Variants in ATP1A3 observed in about 807,000 individuals in gnomAD.
The protein encoded by ATP1A3 is sodium/potassium-transporting ATPase subunit alpha-3.
A neutral mutation model predicts 108.8 loss-of-function variants in ATP1A3; 12 were observed. The ratio of observed to expected loss-of-function variants is 0.11; its 90% CI spans 0.07 to 0.18. ATP1A3 has a LOEUF of 0.18. ATP1A3 is among the 10% of genes least tolerant of loss of function. The pLI is 1.00. For missense variants in ATP1A3, 498 were observed against 1,387.7 expected, an observed-to-expected ratio of 0.36 and a Z score of 10.19; for synonymous variants, 539 against 564.5, an observed-to-expected ratio of 0.95 and a Z score of 0.64.
intron 1 of ATP1A3, chr19:41,993,406 T>G: frequency 1.3e-6 from 2 of 1,535,274 alleles, no homozygotes; most frequent in Non-Finnish European, 1.7e-6. Flanking sequence ...GGCTCTCCTG[T>G]TCCTCTCCTC....
intron 8 of ATP1A3, among the ~76,000 whole-genome samples, chr19:41,983,704 G>A (rs1897144853): frequency 6.8e-6 from 1 of 147,410 alleles, no homozygotes; most frequent in African/African-American, 2.5e-5. Flanking sequence ...AACCTCCCGG[G>A]TCAGCCTCCC....
chr19:41,986,011 G>A lies in ATP1A3; in HGVS notation c.472-13C>T, dbSNP rs557984701. ...TCACCAGGGCTTGCTGAGGTGGGAT[G>A]GAGTAATGTCACCTCCCAGACTCCC... On this transcript the variant is annotated splice_polypyrimidine_tract_variant and intron_variant, in intron 5 of 22. Transcript: ENST00000648268. 9 of 1,614,148 alleles carry A rather than the reference G, an allele frequency of 5.6e-6. No homozygotes were observed. The African/African-American group carries it at 1.2e-4, about 22-fold the overall frequency.
intron 1 of ATP1A3, chr19:41,993,394 G>A (rs1555868034): frequency 1.3e-6 from 2 of 1,535,302 alleles, no homozygotes; most frequent in South Asian, 2.4e-5. Flanking sequence ...TCTCCCCACC[G>A]TGGCTCTCCT....
chr19:41,974,651 G>T (rs1555860565), intron 16 of ATP1A3, among the ~76,000 whole-genome samples: 1 of 152,212 alleles, frequency 6.6e-6, no homozygotes, highest in East Asian at 1.9e-4. Flanking sequence ...AATCCACCAA[G>T]GCATGAACCG....
At chr19:41,990,184 T>G (rs534624121) in intron 1 of ATP1A3, among the ~76,000 whole-genome samples, 1 of 152,184 alleles carries the variant, frequency 6.6e-6, no homozygotes, top group South Asian at 2.1e-4. Context: ...TCTCTTTTCC[T>G]GTTTCAACCT....
At chr19:41,987,484 C>T (rs995286029) in intron 4 of ATP1A3, among the ~76,000 whole-genome samples, 10 of 152,160 alleles carry the variant, frequency 6.6e-5, no homozygotes, top group Admixed American at 2.6e-4. Flanking sequence ...CACGCCTACC[C>T]AGGTGAGCAG....
intron 1 of ATP1A3, among the ~76,000 whole-genome samples, chr19:41,990,369 GTC>G (rs1340888545): frequency 7.2e-6 from 1 of 138,478 alleles, no homozygotes; most frequent in Non-Finnish European, 1.6e-5. Flanking sequence ...CCCTCTCTCT[GTC>G]TCTCTCAAAT....
intron 1 of ATP1A3, chr19:41,993,318 A>T (rs2075357603): frequency 7.0e-7 from 1 of 1,427,584 alleles, no homozygotes; most frequent in Non-Finnish European, 9.5e-7. Context: ...AGAGGCAAGG[A>T]CACAGCCAGG....
At chr19:41,989,316 CTT>C (rs1217199421) in intron 1 of ATP1A3, among the ~76,000 whole-genome samples, 10 of 134,804 alleles carry the variant, frequency 7.4e-5, no homozygotes, top group Admixed American at 7.6e-5. Context: ...ACATATCTGT[CTT>C]TTTTTTTTTT....
Position 41,981,913 on chromosome 19 carries a change from T to A in ATP1A3, c.1187A>T (p.Gln396Leu). The change falls in exon 9 of 23, where the codon CAG becomes CTG. Residue 396 changes from glutamine to leucine, a missense_variant. Gln to Leu is a moderately radical substitution (Grantham distance 113). Around this residue, in one of 9 missense-constraint regions of ATP1A3, gnomAD observed 36 missense variants for 58.7 expected, o/e 0.61. Coordinates refer to ENST00000648268, the MANE Select transcript of ATP1A3 (RefSeq NM_152296.5). This position sits in a 1 kb window ranked among gnomAD's most constrained non-coding sequence, Gnocchi z 5.0. Reference protein sequence around the residue: ...QIHEADTTEDQSGTSFDKSSH... With the variant: ...QIHEADTTEDLSGTSFDKSSH... ...CACCCGGGGCCTGCGCTCACCTGAC[T>A]GGTCCTCAGTGGTGTCAGCCTCGTG... is the stretch of plus-strand genomic sequence containing the variant. 1 of 1,614,224 alleles carries A rather than the reference T, an allele frequency of 6.2e-7. No homozygotes were observed. The highest frequency in any genetic ancestry group is 1.3e-5 in the African/African-American group (1 of 75,062).
chr19:41,981,804 G>A lies in ATP1A3; in HGVS notation c.1220C>T (p.Thr407Ile). ...AGCGATGTGAGACAGGGCCACCCAG[G>A]TGTGCGAACTCTTGTCAAATGAGGT... ...SGTSFDKSSH[T>I]WVALSHIAGL... Residue 407 changes from threonine to isoleucine, a missense_variant, in exon 10 of 23, where the codon ACC (threonine) becomes ATC (isoleucine). Physicochemically the swap from Thr to Ile is moderately conservative, Grantham distance 89. Transcript: ENST00000648268. This position sits in a 1 kb window ranked among gnomAD's most constrained non-coding sequence, Gnocchi z 5.0. 1 of 1,614,226 alleles carries A rather than the reference G, an allele frequency of 6.2e-7. No individual in the cohort carries two copies. The highest frequency in any genetic ancestry group is 8.5e-7 in the Non-Finnish European group (1 of 1,180,032).
intron 15 of ATP1A3, 63 bp from the exon 16 acceptor site, chr19:41,975,860 T>A (rs782324865): frequency 9.5e-5 from 152 of 1,606,148 alleles, no homozygotes; most frequent in Non-Finnish European, 1.2e-4. Flanking sequence ...CTCCCTCAGA[T>A]CCAGAAGCCC....
At chr19:41,975,192 C>T (rs1555860682) in intron 16 of ATP1A3, among the ~76,000 whole-genome samples, 1 of 152,172 alleles carries the variant, frequency 6.6e-6, no homozygotes, top group African/African-American at 2.4e-5. Context: ...GCTGGGACTA[C>T]AGGCAACCGC....
At chr19:41,977,116 G>A (rs1415915854) in intron 14 of ATP1A3, among the ~76,000 whole-genome samples, 7 of 151,528 alleles carry the variant, frequency 4.6e-5, no homozygotes, top group African/African-American at 1.7e-4. Flanking sequence ...CCAAGACACA[G>A]TGGATTCAGA....
intron 8 of ATP1A3, among the ~76,000 whole-genome samples, chr19:41,982,368 G>A (rs1242092235): frequency 2.0e-5 from 3 of 152,202 alleles, no homozygotes; most frequent in African/African-American, 4.8e-5. Flanking sequence ...GCTCACGCCT[G>A]TAATCCCAGC....
intron 19 of ATP1A3, among the ~76,000 whole-genome samples, chr19:41,969,154 C>A (rs1489623881): frequency 6.6e-6 from 1 of 152,120 alleles, no homozygotes; most frequent in African/African-American, 2.4e-5. Flanking sequence ...AGGATAAGGA[C>A]CCTGTGGGCC....
intron 16 of ATP1A3, among the ~76,000 whole-genome samples, chr19:41,972,871 A>C (rs8106625): frequency 0.25 from 33,065 of 133,068 alleles, 5,009 homozygotes; most frequent in Non-Finnish European, 0.34. Flanking sequence ...AGAAGGAAGG[A>C]AGGCAGGCAG....
At position 41,978,813 on chromosome 19, in the gene ATP1A3, G is replaced by A. The variant is rs2075199724; in HGVS notation, c.1438-15C>T. ...TGGATGGAGAGCTGGGGACCGATCA[G>A]AGGGTGGCGTGCCTGAGCCACGCAG... On this transcript the variant is annotated splice_polypyrimidine_tract_variant and intron_variant, in intron 11 of 22. Coordinates refer to ENST00000648268, the MANE Select transcript of ATP1A3 (RefSeq NM_152296.5). The surrounding 1 kb of genome is among the most constrained non-coding windows in gnomAD (Gnocchi z 8.3). The A allele has an allele frequency of 1.2e-6, 2 of 1,613,298 alleles. No individual in the cohort carries two copies. The highest frequency in any genetic ancestry group is 1.7e-6 in the Non-Finnish European group (2 of 1,179,576).
At chr19:41,993,830 G>A in intron 1 of ATP1A3, 1 of 713,600 alleles carries the variant, frequency 1.4e-6, no homozygotes, top group Non-Finnish European at 2.3e-6. Flanking sequence ...GAGATGCTGA[G>A]GGCTGGCCCA....
Sources: allele counts gnomAD v4.1 joint callset (sites outside exome capture counted in the v4.1 genomes callset), GRCh38; gene constraint gnomAD v4.1.1; regional missense constraint gnomAD v4.1.1; non-coding constraint Gnocchi (gnomAD v3.1); transcripts MANE v1.5; gene names NCBI Gene and HGNC (gene_info 2026-07-23, HGNC 2026-07-21).